The following PMFBP1 variants were observed in gnomAD, a reference collection of about 807,000 sequenced individuals.
The protein encoded by PMFBP1 is polyamine-modulated factor 1-binding protein 1.
In PMFBP1, 131 loss-of-function variants were observed where a neutral mutation model predicts 137.8. The observed-to-expected ratio is 0.95, with a 90% CI of 0.82 to 1.10. The LOEUF is 1.10. PMFBP1 is among the 50% of genes least tolerant of loss of function. The probability of loss-of-function intolerance (pLI) is 0.00; values close to 1 mark genes in which losing one functional copy is unlikely to be tolerated. For missense variants in PMFBP1, 1,199 were observed against 1,175.4 expected (o/e 1.02, Z -0.29); for synonymous variants, 490 against 450.4 (o/e 1.09, Z -1.11).
In PMFBP1 at chr16:72,149,656, C is replaced by G. The variant is rs530732269; in HGVS notation, c.636+952G>C. ...TGGCTAACACGGCGAAACCATGTCT[C>G]TACTAAAAACACAAAAACTGGCCGG... On this transcript the variant is annotated intron_variant, in intron 5 of 20. Coordinates refer to ENST00000237353, the MANE Select transcript of PMFBP1 (RefSeq NM_031293.3). Among the ~76,000 whole-genome samples, 4 of 152,198 alleles carry G rather than the reference C, an allele frequency of 2.6e-5. No individual in the cohort carries two copies. The South Asian group carries it at 8.3e-4, about 32-fold the overall frequency.
intron 3 of PMFBP1, among the ~76,000 whole-genome samples, chr16:72,162,430 C>A (rs1483598930): frequency 6.6e-6 from 1 of 152,248 alleles, no homozygotes. Context: ...GCTAATGTAA[C>A]ATTTTAATCT....
At chr16:72,125,133 C>T (rs1010571605) in intron 16 of PMFBP1, 105 bp downstream of exon 16, 2 of 1,463,456 alleles carry the variant, frequency 1.4e-6, no homozygotes, top group African/African-American at 2.8e-5. Context: ...TGGAGGGAAC[C>T]TAGCAGCCCA....
the PMFBP1 span, among the ~76,000 whole-genome samples, chr16:72,209,378 T>G: frequency 6.6e-6 from 1 of 152,114 alleles, no homozygotes; most frequent in African/African-American, 2.4e-5. Flanking sequence ...CACTTATTAA[T>G]TTACAATGAT....
At chr16:72,235,806 A>G in the PMFBP1 span, among the ~76,000 whole-genome samples, 17 of 152,184 alleles carry the variant, frequency 1.1e-4, no homozygotes. Flanking sequence ...GCTACTGTAT[A>G]GAAATACAAT....
At chr16:72,155,852 T>C (rs1252964289) in intron 3 of PMFBP1, among the ~76,000 whole-genome samples, 1 of 152,170 alleles carries the variant, frequency 6.6e-6, no homozygotes, top group Non-Finnish European at 1.5e-5. Context: ...CCATTTTCAG[T>C]CACCCCTGCT....
chr16:72,196,814 A>T, the PMFBP1 span, among the ~76,000 whole-genome samples: 1 of 152,086 alleles, frequency 6.6e-6, no homozygotes, highest in African/African-American at 2.4e-5. Flanking sequence ...TTCCCAGAAG[A>T]CTCCTGGCCC....
the PMFBP1 span, among the ~76,000 whole-genome samples, chr16:72,241,563 G>C: frequency 2.9e-4 from 44 of 152,260 alleles, 1 homozygote; most frequent in East Asian, 6.4e-3. Flanking sequence ...TTTGTTTACC[G>C]AGGGTTTCCA....
At chr16:72,149,718 G>A (rs1395366531) in intron 5 of PMFBP1, among the ~76,000 whole-genome samples, 3 of 152,164 alleles carry the variant, frequency 2.0e-5, no homozygotes, top group Admixed American at 6.5e-5. Flanking sequence ...AGATACTCTG[G>A]AGGCTGAGTC....
Position 72,137,917 on chromosome 16 carries a change from C to T in PMFBP1, c.919-1098G>A, listed in dbSNP as rs546545841. On this transcript the variant is annotated intron_variant, in intron 7 of 20. Transcript: ENST00000237353. Reference sequence around the variant, plus strand: ...AGCCACTGCAGGACCCAGGAGTGGGCACTGCAGGGACTCAAAGCCCCACAC... The same window carrying T: ...AGCCACTGCAGGACCCAGGAGTGGGTACTGCAGGGACTCAAAGCCCCACAC... Among the ~76,000 whole-genome samples, 6 of 152,224 alleles carry T rather than the reference C, an allele frequency of 3.9e-5. No homozygotes were observed. The East Asian group carries it at 1.2e-3, about 29-fold the overall frequency.
the PMFBP1 span, among the ~76,000 whole-genome samples, chr16:72,199,753 C>T: frequency 6.6e-6 from 1 of 151,818 alleles, no homozygotes; most frequent in African/African-American, 2.4e-5. Flanking sequence ...CAGGTCGGTC[C>T]CTCTAGTGAT....
intron 4 of PMFBP1, among the ~76,000 whole-genome samples, 179 bp from the exon 5 acceptor site, chr16:72,151,008 A>G (rs2144412228): frequency 6.6e-6 from 1 of 152,232 alleles, no homozygotes; most frequent in East Asian, 1.9e-4. Flanking sequence ...TAATGATTGG[A>G]AACAAAAAAA....
intron 2 of PMFBP1, among the ~76,000 whole-genome samples, chr16:72,169,481 G>A (rs541265868): frequency 2.1e-4 from 32 of 152,232 alleles, no homozygotes; most frequent in Middle Eastern, 3.4e-3. Flanking sequence ...GGTTTTGCCT[G>A]TGAACAAAAA....
In PMFBP1 at chr16:72,124,892, C is replaced by A. The variant is rs1345646005; in HGVS notation, c.2464G>T (p.Val822Leu). 1 of 1,614,196 alleles carries A rather than the reference C, an allele frequency of 6.2e-7. No homozygotes were observed. The highest frequency in any genetic ancestry group is 8.5e-7 in the Non-Finnish European group (1 of 1,180,034). The change falls in exon 17 of 21, where the codon GTG (valine) becomes TTG (leucine). Residue 822 changes from valine to leucine, a missense_variant. Transcript: ENST00000237353. ...DKKLEEMSCQ[V>L]LQWQKQHQND... Reference sequence around the variant, plus strand: ...TGGTGTTGCTTCTGCCACTGCAGCACCTGGCAGCTCATCTCCTCTAGCTTC... The same window carrying A: ...TGGTGTTGCTTCTGCCACTGCAGCAACTGGCAGCTCATCTCCTCTAGCTTC...
the PMFBP1 span, among the ~76,000 whole-genome samples, chr16:72,237,838 C>A: frequency 6.6e-6 from 1 of 152,070 alleles, no homozygotes; most frequent in Non-Finnish European, 1.5e-5. Flanking sequence ...TATTGTTCCC[C>A]TCTATGTGTC....
At position 72,169,788 on chromosome 16, in the gene PMFBP1, C is replaced by T. The variant is rs80156943; in HGVS notation, c.12+1409G>A. Among the ~76,000 whole-genome samples, 149 of 152,174 alleles carry T rather than the reference C, an allele frequency of 9.8e-4. 1 individual carries two copies. The East Asian group carries it at 0.023, about 23-fold the overall frequency. ...TTTAACTTCTGTGCCTACATTTCCC[C>T]ATGTATAATATAGAGATAATTATGG... On this transcript the variant is annotated intron_variant, in intron 2 of 20. Coordinates refer to ENST00000237353, the MANE Select transcript of PMFBP1 (RefSeq NM_031293.3).
the PMFBP1 span, among the ~76,000 whole-genome samples, chr16:72,226,676 G>C: frequency 1.3e-4 from 20 of 152,110 alleles, no homozygotes; most frequent in Admixed American, 1.2e-3. Context: ...TATTTTATTT[G>C]ATAACCGGTA....
chr16:72,226,107 C>CT, the PMFBP1 span, among the ~76,000 whole-genome samples: 4 of 152,294 alleles, frequency 2.6e-5, no homozygotes, highest in South Asian at 8.3e-4. Context: ...ATACCCTATG[C>CT]TATGGAATCC....
intron 12 of PMFBP1, among the ~76,000 whole-genome samples, chr16:72,129,607 CA>C (rs1219680784): frequency 6.6e-6 from 1 of 152,128 alleles, no homozygotes; most frequent in Non-Finnish European, 1.5e-5. Context: ...AATTGACTGA[CA>C]ATTATCTCCT....
intron 6 of PMFBP1, 94 bp downstream of exon 6, chr16:72,140,318 A>G: frequency 7.6e-7 from 1 of 1,321,956 alleles, no homozygotes; most frequent in Non-Finnish European, 1.1e-6. Flanking sequence ...TCTCGGCGAA[A>G]AAGATTAATT....
Sources: gnomAD v4.1 joint callset for allele counts (sites outside exome capture counted in the v4.1 genomes callset) on GRCh38, gnomAD v4.1.1 for gene constraint, MANE v1.5 for transcripts, NCBI Gene and HGNC (gene_info 2026-07-23, HGNC 2026-07-21) for gene names.